The following ALDH1A3 variants were observed in gnomAD, a reference collection of about 807,000 sequenced individuals.
The protein encoded by ALDH1A3 is aldehyde dehydrogenase 1 family member A3, also known as retinaldehyde dehydrogenase 3.
Under a neutral mutation model 57.5 loss-of-function variants are expected in ALDH1A3, and 28 were observed. The observed-to-expected ratio is 0.49, with a 90% CI of 0.36 to 0.67. ALDH1A3 has a LOEUF of 0.67. Among genes scored for constraint, ALDH1A3 ranks in the 30% least tolerant of loss-of-function variants. The pLI is 0.00. For missense variants in ALDH1A3, 507 were observed against 669.4 expected (o/e 0.76, Z 2.68); for synonymous variants, 281 against 264.8 (o/e 1.06, Z -0.59).
intron 11 of ALDH1A3, 85 bp from the exon 12 acceptor site, chr15:100,908,323 C>G (rs2041846433): frequency 7.9e-6 from 9 of 1,136,060 alleles, no homozygotes; most frequent in Non-Finnish European, 1.3e-6. Flanking sequence ...AGACAATGCC[C>G]TGCACTGGGG....
At chr15:100,905,027 C>T (rs1049910790) in intron 9 of ALDH1A3, among the ~76,000 whole-genome samples, 1 of 152,214 alleles carries the variant, frequency 6.6e-6, no homozygotes, top group Non-Finnish European at 1.5e-5. Context: ...CCCAGGTAAA[C>T]ATGAATTTCA....
At position 100,893,965 on chromosome 15, in the gene ALDH1A3, C is replaced by A; in HGVS notation, c.549C>A (p.Pro183=). ...GTGCTCTGTCGCAGTGGAACTTCCCCCTGCTGATGCTGGTGTGGAAGCTGG... is the reference window on the plus strand; with the variant it reads ...GTGCTCTGTCGCAGTGGAACTTCCCACTGCTGATGCTGGTGTGGAAGCTGG... ...VCGAITPWNF[P]LLMLVWKLAP... The change falls in exon 6 of 13, where the codon CCC becomes CCA. Residue 183 remains proline, a synonymous_variant. Coordinates refer to ENST00000329841, the MANE Select transcript of ALDH1A3 (RefSeq NM_000693.4). The surrounding 1 kb of genome is among the most constrained non-coding windows in gnomAD (Gnocchi z 4.8). 6.2e-7 allele frequency: 1 copy of A among 1,614,128 alleles called. No individual in the cohort carries two copies. The highest frequency in any genetic ancestry group is 8.5e-7 in the Non-Finnish European group (1 of 1,179,990).
At chr15:100,912,712 T>C (rs186830983) in intron 12 of ALDH1A3, among the ~76,000 whole-genome samples, 6 of 152,338 alleles carry the variant, frequency 3.9e-5, no homozygotes, top group Admixed American at 3.9e-4. Flanking sequence ...TTATCTGTAA[T>C]TGTTATAATT....
At position 100,894,140 on chromosome 15, in the gene ALDH1A3, A is replaced by C. The variant is rs78221086; in HGVS notation, c.666+58A>C. 1.1e-3 allele frequency: 1,712 copies of C among 1,590,914 alleles called. 28 individuals are homozygous for C. The East Asian group carries it at 0.017, about 16-fold the overall frequency. On this transcript the variant is annotated intron_variant, in intron 6 of 12. Transcript: ENST00000329841. This position sits in a 1 kb window ranked among gnomAD's most constrained non-coding sequence, Gnocchi z 4.5. ...CTTGGTAACATTCCCACTCCTAGGA[A>C]CCAGGCCACCGTCACGAGATGGGAC... is the stretch of plus-strand genomic sequence containing the variant.
At chr15:100,882,649 T>C (rs1014653688) in intron 1 of ALDH1A3, among the ~76,000 whole-genome samples, 7 of 152,342 alleles carry the variant, frequency 4.6e-5, no homozygotes, top group African/African-American at 1.7e-4. Context: ...TCCATGTCAT[T>C]CTGTTCCTTT....
Position 100,916,030 on chromosome 15 carries a change from C to T in ALDH1A3, c.*1257C>T, listed in dbSNP as rs1274190118. On this transcript the variant is annotated 3_prime_UTR_variant, in exon 13 of 13. Coordinates refer to ENST00000329841, the MANE Select transcript of ALDH1A3 (RefSeq NM_000693.4). ...TATCCGACGGATACTTTTATGGTTA[C>T]TAACTAGTACTTTCCTAATTGGGAA... is the stretch of plus-strand genomic sequence containing the variant. 6.6e-6 allele frequency: 1 copy of T among 152,180 alleles called. No individual in the cohort carries two copies. Among genetic ancestry groups the T allele is most frequent in the Non-Finnish European group, 1.5e-5 (1 of 68,040 alleles). 9.4% of individuals were successfully genotyped at this position (152,180 alleles called of 1,614,324 possible).
At position 100,900,566 on chromosome 15, in the gene ALDH1A3, C is replaced by T. The variant is rs1472384512; in HGVS notation, c.884-9C>T. On this transcript the variant is annotated splice_polypyrimidine_tract_variant and intron_variant, in intron 8 of 12. Coordinates refer to ENST00000329841, the MANE Select transcript of ALDH1A3 (RefSeq NM_000693.4). ...GCTCTGCCCGCCTCCCTCGCCCCTC[C>T]CCCTCCAGTGGACTTGGCAGTGGAG... The T allele has an allele frequency of 1.9e-6, 3 of 1,573,532 alleles. No homozygotes were observed. The highest frequency in any genetic ancestry group is 2.7e-5 in the African/African-American group (2 of 74,078).
At chr15:100,904,398 G>A (rs1042539180) in intron 9 of ALDH1A3, among the ~76,000 whole-genome samples, 13 of 152,186 alleles carry the variant, frequency 8.5e-5, no homozygotes, top group African/African-American at 3.1e-4. Context: ...TGAGATGATT[G>A]GTCAAGTGGC....
intron 11 of ALDH1A3, among the ~76,000 whole-genome samples, chr15:100,908,016 T>G (rs747628813): frequency 6.6e-6 from 1 of 151,796 alleles, no homozygotes; most frequent in Non-Finnish European, 1.5e-5. Context: ...GCCCAGCTAA[T>G]TTTTGTATTT....
chr15:100,898,166 CG>C lies in ALDH1A3; in HGVS notation c.865del (p.Val289CysfsTer78). 6.2e-7 allele frequency: 1 copy of C among 1,614,054 alleles called. No homozygotes were observed. The highest frequency in any genetic ancestry group is 8.5e-7 in the Non-Finnish European group (1 of 1,179,948). ...AGCTGGGGGGGAAGAACCCCTGCATCGTGTGTGCGGACGCTGACTGTGAGTC... is the reference window on the plus strand; with the variant it reads ...AGCTGGGGGGGAAGAACCCCTGCATCTGTGTGCGGACGCTGACTGTGAGTC... ...LELGGKNPCIVCADADLDLAV... is the reference protein window; with the variant it reads ...LELGGKNPCIXCADADLDLAV... On this transcript the variant is annotated frameshift_variant, in exon 8 of 13. Coordinates refer to ENST00000329841, the MANE Select transcript of ALDH1A3 (RefSeq NM_000693.4). LOFTEE classifies it high-confidence loss of function.
chr15:100,880,096 C>T (rs1209718932), intron 1 of ALDH1A3, 90 bp downstream of exon 1: 11 of 992,864 alleles, frequency 1.1e-5, no homozygotes, highest in African/African-American at 3.4e-5. Context: ...AGCAGCGGGC[C>T]GGGGGTCCGC....
At position 100,892,528 on chromosome 15, in the gene ALDH1A3, A is replaced by G. The variant is rs1373091248; in HGVS notation, c.364A>G (p.Thr122Ala). 1.1e-5 allele frequency: 17 copies of G among 1,612,760 alleles called. No homozygotes were observed. Among genetic ancestry groups the G allele is most frequent in the Non-Finnish European group, 1.3e-5 (15 of 1,179,720 alleles). ...ATLAALETMDTGKPFLHAFFI... is the reference protein window; with the variant it reads ...ATLAALETMDAGKPFLHAFFI... ...ATTGCAGGCCCTGGAGACGATGGATACAGGGAAGCCATTTCTTCATGCTTT... is the reference window on the plus strand; with the variant it reads ...ATTGCAGGCCCTGGAGACGATGGATGCAGGGAAGCCATTTCTTCATGCTTT... Residue 122 changes from threonine (T) to alanine (A), a missense_variant, in exon 4 of 13, where the codon ACA becomes GCA. Physicochemically the swap from Thr to Ala is moderately conservative, Grantham distance 58. Coordinates refer to ENST00000329841, the MANE Select transcript of ALDH1A3 (RefSeq NM_000693.4).
At chr15:100,895,833 C>G (rs1396137221) in intron 6 of ALDH1A3, 100 bp from the exon 7 acceptor site, 5 of 1,056,836 alleles carry the variant, frequency 4.7e-6, no homozygotes, top group Non-Finnish European at 7.1e-6. Flanking sequence ...CCCGGGTTCC[C>G]TGTGGGGATG....
At position 100,906,527 on chromosome 15, in the gene ALDH1A3, G is replaced by A. The variant is rs1401960595; in HGVS notation, c.1234-594G>A. ...TGGCAGGCCAGGCACCATCCTGCCG[G>A]CTTATAATTATGTCTAATATTGAAT... On this transcript the variant is annotated intron_variant, in intron 10 of 12. Transcript: ENST00000329841. This position sits in a 1 kb window ranked among gnomAD's most constrained non-coding sequence, Gnocchi z 4.8. 6.6e-6 allele frequency among the ~76,000 whole-genome samples: 1 copy of A among 152,190 alleles called. No individual in the cohort carries two copies. Among genetic ancestry groups the A allele is most frequent in the Non-Finnish European group, 1.5e-5 (1 of 68,022 alleles).
rs1024178009 is a variant in ALDH1A3 at position 100,889,471 on chromosome 15, A to C, written c.345+1759A>C. Among the ~76,000 whole-genome samples the C allele has an allele frequency of 2.0e-5, 3 of 152,168 alleles. No homozygotes were observed. The highest frequency in any genetic ancestry group is 7.2e-5 in the African/African-American group (3 of 41,436). ...CTCCCAGGGTAAGCGCTTCTCTCTG[A>C]GGAGCCTCTGGTTTCTTCCTGCAAC... On this transcript the variant is annotated intron_variant, in intron 3 of 12. Coordinates refer to ENST00000329841, the MANE Select transcript of ALDH1A3 (RefSeq NM_000693.4). This position sits in a 1 kb window ranked among gnomAD's most constrained non-coding sequence, Gnocchi z 5.1.
chr15:100,881,817 G>A (rs2041550215), intron 1 of ALDH1A3, among the ~76,000 whole-genome samples: 1 of 152,232 alleles, frequency 6.6e-6, no homozygotes, highest in African/African-American at 2.4e-5. Context: ...CCCGTTGGGG[G>A]ACTGTGCTGC....
chr15:100,882,205 T>A (rs2041553799), intron 1 of ALDH1A3, among the ~76,000 whole-genome samples: 1 of 152,224 alleles, frequency 6.6e-6, no homozygotes, highest in Admixed American at 6.5e-5. Flanking sequence ...GGCAGTGCCA[T>A]TTCCCAGGGT....
intron 3 of ALDH1A3, among the ~76,000 whole-genome samples, chr15:100,890,646 C>T (rs2041639677): frequency 6.6e-6 from 1 of 152,142 alleles, no homozygotes; most frequent in Non-Finnish European, 1.5e-5. Flanking sequence ...GGTTAAGTAA[C>T]CTGTCCTAGG....
intron 9 of ALDH1A3, among the ~76,000 whole-genome samples, chr15:100,902,989 A>C (rs544169513): frequency 2.9e-4 from 44 of 152,254 alleles, no homozygotes; most frequent in Non-Finnish European, 5.6e-4. Context: ...GGAACTGTTA[A>C]CCTGAGACTT....
Sources: allele counts gnomAD v4.1 joint callset (sites outside exome capture counted in the v4.1 genomes callset), GRCh38; gene constraint gnomAD v4.1.1; non-coding constraint Gnocchi (gnomAD v3.1); transcripts MANE v1.5; gene names NCBI Gene and HGNC (gene_info 2026-07-23, HGNC 2026-07-21).